Variants in EGFLAM observed in about 807,000 individuals in gnomAD.
The protein encoded by EGFLAM is EGF like, fibronectin type III and laminin G domains, also known as pikachurin.
In EGFLAM, 79 loss-of-function variants were observed where a neutral mutation model predicts 113.1. The ratio of observed to expected loss-of-function variants is 0.70; its 90% confidence interval spans 0.58 to 0.84. EGFLAM has a LOEUF of 0.84. Ranked by LOEUF, EGFLAM falls within the 40% of genes least tolerant of loss-of-function variation. The pLI is 0.00. For missense variants in EGFLAM, 1,265 were observed against 1,291.6 expected (o/e 0.98, Z 0.32); for synonymous variants, 504 against 487.6 (o/e 1.03, Z -0.44).
intron 20 of EGFLAM, chr5:38,462,613 G>A (rs1743320282): frequency 3.2e-6 from 1 of 309,860 alleles, no homozygotes; most frequent in Non-Finnish European, 6.1e-6. Context: ...CCTCTCTCTA[G>A]TCTAAGTTAG....
At chr5:38,414,410 C>A (rs560941403) in intron 11 of EGFLAM, among the ~76,000 whole-genome samples, 1 of 152,132 alleles carries the variant, frequency 6.6e-6, no homozygotes, top group Non-Finnish European at 1.5e-5. Flanking sequence ...AATGTCTAAT[C>A]GCTTAAAGTG....
In EGFLAM at chr5:38,462,529, AC is replaced by A. The variant is rs541677461; in HGVS notation, c.2772-376del. Reference sequence around the variant, plus strand: ...GCCTTCTCCTTCACTTGACTTACCTACCCAGCCTACAAGACTCATTTTGGAC... The same window carrying A: ...GCCTTCTCCTTCACTTGACTTACCTACCAGCCTACAAGACTCATTTTGGAC... On this transcript the variant is annotated intron_variant, in intron 20 of 21. Coordinates refer to ENST00000322350, the MANE Select transcript of EGFLAM (RefSeq NM_152403.4). The A allele has an allele frequency of 1.0e-4, 19 of 188,868 alleles. No homozygotes were observed. In the East Asian group the frequency reaches 2.6e-3, roughly 26 times the overall value. 11.7% of individuals were successfully genotyped at this position (188,868 alleles called of 1,614,324 possible).
intron 1 of EGFLAM, among the ~76,000 whole-genome samples, chr5:38,268,453 A>G (rs573148684): frequency 3.3e-5 from 5 of 152,290 alleles, no homozygotes; most frequent in African/African-American, 1.2e-4. Flanking sequence ...TGTTGCCCTA[A>G]CCCAACTATA....
chr5:38,433,287 G>T (rs771938418), intron 15 of EGFLAM, among the ~76,000 whole-genome samples: 1 of 152,182 alleles, frequency 6.6e-6, no homozygotes, highest in Non-Finnish European at 1.5e-5. Context: ...TCAGCTGGCA[G>T]CTCTGAGAAA....
intron 14 of EGFLAM, among the ~76,000 whole-genome samples, chr5:38,428,647 G>T (rs1044817166): frequency 6.6e-6 from 1 of 152,136 alleles, no homozygotes; most frequent in African/African-American, 2.4e-5. Context: ...GAGGTTCTGG[G>T]CTCATCAGCC....
chr5:38,397,348 G>A (rs1740988022), intron 6 of EGFLAM, among the ~76,000 whole-genome samples: 1 of 152,202 alleles, frequency 6.6e-6, no homozygotes, highest in Non-Finnish European at 1.5e-5. Flanking sequence ...GCTGGCTGGT[G>A]TTGAGCAGGC....
At chr5:38,446,268 T>C (rs1742708846) in intron 17 of EGFLAM, among the ~76,000 whole-genome samples, 1 of 152,070 alleles carries the variant, frequency 6.6e-6, no homozygotes. Flanking sequence ...GGCCTTTCTG[T>C]CTATTCCTCT....
At position 38,352,246 on chromosome 5, in the gene EGFLAM, T is replaced by G; in HGVS notation, c.460T>G (p.Ser154Ala). Residue 154 changes from serine to alanine, a missense_variant, in exon 5 of 22, where the codon TCG becomes GCG. Transcript: ENST00000322350. ...CCAGCAGCCACATGTCATTGTGGTT[T>G]CGGATTCTGAGGTGGCCCTGTCTTG... ...APQQPHVIVV[S>A]DSEVALSWKP... 6.2e-7 allele frequency: 1 copy of G among 1,614,172 alleles called. No individual in the cohort carries two copies. The highest frequency in any genetic ancestry group is 8.5e-7 in the Non-Finnish European group (1 of 1,180,020).
chr5:38,400,066 G>A (rs1400822160), intron 6 of EGFLAM: 1 of 152,156 alleles, frequency 6.6e-6, no homozygotes, highest in Non-Finnish European at 1.5e-5. Flanking sequence ...GGTTTTCAAG[G>A]TCATCAAGTC....
intron 3 of EGFLAM, among the ~76,000 whole-genome samples, chr5:38,340,133 C>T (rs1195122801): frequency 6.6e-6 from 1 of 152,114 alleles, no homozygotes; most frequent in Non-Finnish European, 1.5e-5. Context: ...CATCACAGAA[C>T]CTGGGCTGAA....
intron 12 of EGFLAM, among the ~76,000 whole-genome samples, chr5:38,422,461 C>A (rs74850271): frequency 0.013 from 1,979 of 152,292 alleles, 54 homozygotes; most frequent in African/African-American, 0.046. Flanking sequence ...TTTGGCACTG[C>A]AGCCCCCTTT....
At position 38,412,173 on chromosome 5, in the gene EGFLAM, AGGCTTG is replaced by A. The variant is rs568646673; in HGVS notation, c.1350-328_1350-323del. 1.1e-3 allele frequency among the ~76,000 whole-genome samples: 174 copies of A among 152,334 alleles called. 1 individual carries two copies. Among genetic ancestry groups the A allele is most frequent in the Non-Finnish European group, 1.7e-3 (119 of 68,042 alleles). ...TATGTGGGAATAGTGAATGATGCTG[AGGCTTG>A]GGGTACAGATCCCGTCATGCAGGTA... On this transcript the variant is annotated intron_variant, in intron 10 of 21. Transcript: ENST00000322350.
chr5:38,302,581 A>G (rs1208774818), intron 1 of EGFLAM, among the ~76,000 whole-genome samples: 1 of 152,196 alleles, frequency 6.6e-6, no homozygotes, highest in Non-Finnish European at 1.5e-5. Flanking sequence ...TTTCTAAAAT[A>G]TAATTAACTT....
intron 1 of EGFLAM, chr5:38,305,400 A>T (rs1461766234): frequency 2.2e-6 from 1 of 450,996 alleles, no homozygotes. Context: ...GAAGACTCTT[A>T]CTACATTTAC....
intron 3 of EGFLAM, among the ~76,000 whole-genome samples, chr5:38,349,464 T>A (rs778207750): frequency 6.6e-6 from 1 of 152,176 alleles, no homozygotes; most frequent in Non-Finnish European, 1.5e-5. Context: ...GTTACAATCA[T>A]GCAAGATGGT....
intron 1 of EGFLAM, among the ~76,000 whole-genome samples, chr5:38,308,984 A>G (rs1396675893): frequency 6.6e-6 from 1 of 152,202 alleles, no homozygotes; most frequent in Non-Finnish European, 1.5e-5. Flanking sequence ...TGTACTAGAG[A>G]CAGCTCCTAC....
intron 1 of EGFLAM, among the ~76,000 whole-genome samples, chr5:38,302,105 C>T (rs956887954): frequency 2.8e-4 from 43 of 151,994 alleles, no homozygotes; most frequent in African/African-American, 8.5e-4. Flanking sequence ...GGCATGGTGA[C>T]GGGCACCTGT....
rs576133363 is a variant in EGFLAM, at chr5:38,454,319, G to T, written c.2687+2861G>T. Among the ~76,000 whole-genome samples the T allele has an allele frequency of 8.5e-5, 13 of 152,256 alleles. No homozygotes were observed. The South Asian group carries it at 2.5e-3, about 29-fold the overall frequency. On this transcript the variant is annotated intron_variant, in intron 19 of 21. Transcript: ENST00000322350. ...CGGGACCCATGCCCTGAGAAACAGGGTCTGAAGTGGCTTTGGAATCACACA... is the reference window on the plus strand; with the variant it reads ...CGGGACCCATGCCCTGAGAAACAGGTTCTGAAGTGGCTTTGGAATCACACA...
chr5:38,348,130 A>T (rs566896751), intron 3 of EGFLAM, among the ~76,000 whole-genome samples: 4 of 152,180 alleles, frequency 2.6e-5, no homozygotes, highest in African/African-American at 7.2e-5. Flanking sequence ...GGAATGATTC[A>T]TTGAGCTTTG....
Sources: gnomAD v4.1 joint callset for allele counts (sites outside exome capture counted in the v4.1 genomes callset) on GRCh38, gnomAD v4.1.1 for gene constraint, MANE v1.5 for transcripts, NCBI Gene and HGNC (gene_info 2026-07-23, HGNC 2026-07-21) for gene names.